ST6GALNAC5: variants seen among roughly 807,000 people sequenced by gnomAD.
ST6GALNAC5 encodes ST6 N-acetylgalactosaminide alpha-2,6-sialyltransferase 5, also known as alpha-N-acetylgalactosaminide alpha-2,6-sialyltransferase 5.
ST6GALNAC5 carries 27 observed loss-of-function variants against 33.6 expected under a neutral mutation model. The observed-to-expected ratio is 0.80, with a 90% CI of 0.59 to 1.11. The LOEUF (loss-of-function observed/expected upper bound fraction) is 1.11, where lower values mean the gene tolerates loss of function less well. Among genes scored for constraint, ST6GALNAC5 ranks in the 50% least tolerant of loss-of-function variants. ST6GALNAC5 has a pLI of 0.00. For synonymous variants in ST6GALNAC5, 194 were observed against 171.2 expected, an observed-to-expected ratio of 1.13 and a Z score of -1.04; for missense variants, 428 against 454.0, an observed-to-expected ratio of 0.94 and a Z score of 0.52.
At chr1:77,008,227 C>T (rs1201800195) in intron 2 of ST6GALNAC5, among the ~76,000 whole-genome samples, 1 of 152,142 alleles carries the variant, frequency 6.6e-6, no homozygotes, top group Non-Finnish European at 1.5e-5. Flanking sequence ...TGCACAAGAG[C>T]TTTCATTGAA....
intron 3 of ST6GALNAC5, 49 bp from the exon 4 acceptor site, chr1:77,050,209 T>C (rs767686241): frequency 6.7e-7 from 1 of 1,486,216 alleles, no homozygotes; most frequent in Non-Finnish European, 9.4e-7. Context: ...TGGTAGTGGG[T>C]ATAATGGTTA....
intron 2 of ST6GALNAC5, among the ~76,000 whole-genome samples, chr1:76,960,013 C>T (rs1419945144): frequency 1.3e-5 from 2 of 152,144 alleles, no homozygotes; most frequent in African/African-American, 2.4e-5. Flanking sequence ...CTCTATGAGG[C>T]CTGACCCTTT....
intron 2 of ST6GALNAC5, among the ~76,000 whole-genome samples, chr1:77,011,270 C>T (rs936034463): frequency 4.6e-5 from 7 of 152,166 alleles, no homozygotes; most frequent in Non-Finnish European, 8.8e-5. Context: ...TCTTGTTTTA[C>T]GTGCCTTGGT....
At chr1:77,034,313 CTG>C (rs916996025) in intron 2 of ST6GALNAC5, among the ~76,000 whole-genome samples, 2 of 151,978 alleles carry the variant, frequency 1.3e-5, no homozygotes, top group Non-Finnish European at 2.9e-5. Context: ...GGTGCTCTCC[CTG>C]TGTATCTCTG....
chr1:76,905,948 T>C (rs1355335308), intron 2 of ST6GALNAC5, among the ~76,000 whole-genome samples: 2 of 152,176 alleles, frequency 1.3e-5, no homozygotes, highest in Non-Finnish European at 2.9e-5. Flanking sequence ...AAAGGTGCCT[T>C]CTATCGTGCT....
At chr1:76,889,326 A>T (rs1653965210) in intron 2 of ST6GALNAC5, among the ~76,000 whole-genome samples, 1 of 152,088 alleles carries the variant, frequency 6.6e-6, no homozygotes, top group African/African-American at 2.4e-5. Flanking sequence ...GTTGTTTCAG[A>T]TAGTCAATAT....
intron 3 of ST6GALNAC5, among the ~76,000 whole-genome samples, chr1:77,049,132 G>C (rs774182838): frequency 6.6e-6 from 1 of 152,132 alleles, no homozygotes; most frequent in Admixed American, 6.6e-5. Context: ...CCTTAAAAAT[G>C]TCCTCTCTCT....
chr1:77,051,570 C>CT (rs1652220835), intron 4 of ST6GALNAC5, among the ~76,000 whole-genome samples: 1 of 152,128 alleles, frequency 6.6e-6, no homozygotes, highest in African/African-American at 2.4e-5. Context: ...CCTCAAAGGG[C>CT]TGTAGGCAGA....
At chr1:76,961,541 C>T (rs376354319) in intron 2 of ST6GALNAC5, among the ~76,000 whole-genome samples, 1 of 152,308 alleles carries the variant, frequency 6.6e-6, no homozygotes, top group Middle Eastern at 3.4e-3. Flanking sequence ...CCTTCTCCAG[C>T]ATCATCTGCT....
intron 2 of ST6GALNAC5, among the ~76,000 whole-genome samples, chr1:77,011,614 T>G (rs1451262899): frequency 1.3e-5 from 2 of 152,204 alleles, no homozygotes; most frequent in Admixed American, 1.3e-4. Context: ...ATATTTGATA[T>G]TCATTTTGTA....
At position 76,868,591 on chromosome 1, in the gene ST6GALNAC5, C is replaced by CGCAGCA. The variant is rs113832855; in HGVS notation, c.129_134dup (p.Gln48_Gln49dup). On this transcript the variant is annotated inframe_insertion, in exon 2 of 5. Coordinates refer to ENST00000477717, the MANE Select transcript of ST6GALNAC5 (RefSeq NM_030965.3). The surrounding 1 kb of genome is among the most constrained non-coding windows in gnomAD (Gnocchi z 4.3). The stretch of plus-strand genomic sequence containing the variant: ...CTCGGCGGCCAGAAGGAGCGGCCCC[C>CGCAGCA]GCAGCAGCAGCAGCAGCAGCAGCAA... The CGCAGCA allele has an allele frequency of 3.3e-5, 53 of 1,609,642 alleles. No individual in the cohort carries two copies. The highest frequency in any genetic ancestry group is 4.5e-5 in the East Asian group (2 of 44,694).
In ST6GALNAC5 at chr1:77,037,717, G is replaced by C. The variant is rs527380475; in HGVS notation, c.262-6487G>C. Among the ~76,000 whole-genome samples the C allele has an allele frequency of 3.3e-5, 5 of 152,200 alleles. No homozygotes were observed. The East Asian group carries it at 9.7e-4, about 29-fold the overall frequency. On this transcript the variant is annotated intron_variant, in intron 2 of 4. Coordinates refer to ENST00000477717, the MANE Select transcript of ST6GALNAC5 (RefSeq NM_030965.3). The stretch of plus-strand genomic sequence containing the variant: ...TCTACATAGGAACAGAAATATAAAA[G>C]ATAGAATAAAAGAAGTGAACTTAAG...
chr1:77,016,721 A>G lies in ST6GALNAC5; in HGVS notation c.262-27483A>G, dbSNP rs527285458. Among the ~76,000 whole-genome samples, 12 of 152,292 alleles carry G rather than the reference A, an allele frequency of 7.9e-5. No individual in the cohort carries two copies. The East Asian group carries it at 2.1e-3, about 27-fold the overall frequency. On this transcript the variant is annotated intron_variant, in intron 2 of 4. Transcript: ENST00000477717. ...TGGGATGCACACCCTTTTAAATGAC[A>G]TCTTTTTCTTTTTAGAATTGTTTCA...
intron 2 of ST6GALNAC5, among the ~76,000 whole-genome samples, chr1:76,971,767 A>G (rs942230053): frequency 2.0e-5 from 3 of 152,194 alleles, no homozygotes; most frequent in African/African-American, 7.2e-5. Context: ...GGATAGTTCT[A>G]TTGGTAATCA....
At chr1:76,947,558 G>C (rs947994345) in intron 2 of ST6GALNAC5, among the ~76,000 whole-genome samples, 1 of 152,006 alleles carries the variant, frequency 6.6e-6, no homozygotes, top group African/African-American at 2.4e-5. Context: ...GCAACATAGA[G>C]AGACCCCATC....
At chr1:77,027,990 C>T (rs968790495) in intron 2 of ST6GALNAC5, among the ~76,000 whole-genome samples, 4 of 152,148 alleles carry the variant, frequency 2.6e-5, no homozygotes, top group Admixed American at 6.5e-5. Context: ...ACATCAGCCC[C>T]GAGTGCAACT....
intron 2 of ST6GALNAC5, among the ~76,000 whole-genome samples, chr1:76,973,025 G>A (rs1471125860): frequency 1.3e-5 from 2 of 152,036 alleles, no homozygotes; most frequent in Non-Finnish European, 2.9e-5. Context: ...TCTCTAGCAA[G>A]GGTATTAGTC....
chr1:76,974,156 C>T (rs2100369324), intron 2 of ST6GALNAC5, among the ~76,000 whole-genome samples: 1 of 144,602 alleles, frequency 6.9e-6, no homozygotes, highest in East Asian at 2.0e-4. Context: ...ATCTTCATTT[C>T]TAAAAATGTA....
intron 4 of ST6GALNAC5, among the ~76,000 whole-genome samples, chr1:77,062,682 A>G (rs930196035): frequency 5.3e-5 from 8 of 152,160 alleles, no homozygotes; most frequent in African/African-American, 1.9e-4. Flanking sequence ...AAGAAGAGTG[A>G]AAACAATACT....
Sources: gnomAD v4.1 joint callset for allele counts (sites outside exome capture counted in the v4.1 genomes callset) on GRCh38, gnomAD v4.1.1 for gene constraint, Gnocchi (gnomAD v3.1) non-coding constraint, MANE v1.5 for transcripts, NCBI Gene and HGNC (gene_info 2026-07-23, HGNC 2026-07-21) for gene names.